The following WDR59 variants were observed in gnomAD, a reference collection of about 807,000 sequenced individuals.
WDR59 encodes GATOR2 complex protein WDR59.
A neutral mutation model predicts 131.2 loss-of-function variants in WDR59; 100 were observed. The observed-to-expected ratio is 0.76, with a 90% CI of 0.65 to 0.90. The LOEUF (loss-of-function observed/expected upper bound fraction) is 0.90, where lower values mean the gene tolerates loss of function less well. Ranked by LOEUF, WDR59 falls within the 40% of genes least tolerant of loss-of-function variation. The pLI, the probability that WDR59 is intolerant of heterozygous loss-of-function variation, is 0.00. For missense variants in WDR59, 1,203 were observed against 1,262.2 expected (o/e 0.95, Z 0.71); for synonymous variants, 601 against 466.2 (o/e 1.29, Z -3.72).
intron 8 of WDR59, among the ~76,000 whole-genome samples, chr16:74,936,513 G>C (rs1383251773): frequency 6.6e-6 from 1 of 151,916 alleles, no homozygotes; most frequent in Non-Finnish European, 1.5e-5. Flanking sequence ...GAGACAAGCT[G>C]ATTGGGGTAC....
intron 1 of WDR59, among the ~76,000 whole-genome samples, chr16:74,966,653 G>C (rs942705279): frequency 6.6e-6 from 1 of 152,072 alleles, no homozygotes; most frequent in African/African-American, 2.4e-5. Flanking sequence ...ACTTTCCAAA[G>C]GGCATGGACT....
intron 25 of WDR59, among the ~76,000 whole-genome samples, chr16:74,884,944 C>T (rs2144788022): frequency 6.6e-6 from 1 of 152,312 alleles, no homozygotes; most frequent in East Asian, 1.9e-4. Flanking sequence ...CTCTGTTCTC[C>T]CTGCCCCCAC....
In WDR59 at chr16:74,874,022, A is replaced by G. The variant is rs1354282232; in HGVS notation, c.*187T>C. On this transcript the variant is annotated 3_prime_UTR_variant, in exon 26 of 26. Coordinates refer to ENST00000262144, the MANE Select transcript of WDR59 (RefSeq NM_030581.4). ...CTTATCTTCACACAGTGACATCCAC[A>G]CCAGGTGGCCAAACAGAAGAGAAGG... 1.7e-5 allele frequency: 10 copies of G among 597,290 alleles called. No homozygotes were observed. Among genetic ancestry groups the G allele is most frequent in the Non-Finnish European group, 2.7e-5 (9 of 336,228 alleles). 37.0% of individuals were successfully genotyped at this position (597,290 alleles called of 1,614,324 possible).
chr16:74,900,521 T>C (rs1212606319), intron 18 of WDR59, among the ~76,000 whole-genome samples: 1 of 152,240 alleles, frequency 6.6e-6, no homozygotes, highest in African/African-American at 2.4e-5. Context: ...TTTAAATGTA[T>C]GCAAGGCAAT....
intron 11 of WDR59, among the ~76,000 whole-genome samples, chr16:74,917,530 C>T (rs755773058): frequency 2.0e-5 from 3 of 152,068 alleles, no homozygotes; most frequent in Non-Finnish European, 4.4e-5. Flanking sequence ...TCTATCCTGC[C>T]GGGGAAGGTG....
Position 74,893,752 on chromosome 16 carries a change from C to G in WDR59, c.1927G>C (p.Ala643Pro), listed in dbSNP as rs766751816. The G allele has an allele frequency of 8.1e-6, 13 of 1,614,040 alleles. No homozygotes were observed. The African/African-American group carries it at 1.1e-4, about 13-fold the overall frequency. The change falls in exon 19 of 26, where the codon GCT (alanine) becomes CCT (proline). Residue 643 changes from alanine (A) to proline (P), a missense_variant. Coordinates refer to ENST00000262144, the MANE Select transcript of WDR59 (RefSeq NM_030581.4). ...TCCTGGATGATGACTTTCCCAGCAGCCTTGATCTGTCGATTGCCAGAGTCT... is the reference window on the plus strand; with the variant it reads ...TCCTGGATGATGACTTTCCCAGCAGGCTTGATCTGTCGATTGCCAGAGTCT... ...GSDSGNRQIKAAGKVIIQDIA... is the reference protein window; with the variant it reads ...GSDSGNRQIKPAGKVIIQDIA...
chr16:74,890,986 C>CGT (rs1965016009), intron 20 of WDR59, among the ~76,000 whole-genome samples: 1 of 151,908 alleles, frequency 6.6e-6, no homozygotes, highest in South Asian at 2.1e-4. Context: ...TGGTGGCACA[C>CGT]GCCTGTAGTC....
intron 1 of WDR59, among the ~76,000 whole-genome samples, chr16:74,972,925 T>C (rs559170309): frequency 1.4e-5 from 2 of 142,802 alleles, no homozygotes; most frequent in Admixed American, 7.1e-5. Flanking sequence ...GAGGACAAGA[T>C]CCAATTTCTA....
At chr16:74,887,641 G>A (rs1174034677) in intron 23 of WDR59, 42 bp downstream of exon 23, 1 of 1,587,130 alleles carries the variant, frequency 6.3e-7, no homozygotes, top group South Asian at 1.1e-5. Context: ...AGCTCTGGGA[G>A]AACTAAAAAT....
At chr16:74,924,440 T>C (rs997330016) in intron 8 of WDR59, among the ~76,000 whole-genome samples, 5 of 152,230 alleles carry the variant, frequency 3.3e-5, no homozygotes, top group African/African-American at 1.2e-4. Context: ...ATATATGTTA[T>C]TAATCTCTTT....
chr16:74,912,065 G>A (rs943370787), intron 14 of WDR59, 133 bp downstream of exon 14: 19 of 1,214,892 alleles, frequency 1.6e-5, no homozygotes, highest in South Asian at 2.8e-5. Flanking sequence ...CAGAGGTTAC[G>A]TTGCTAATAC....
At chr16:74,882,841 G>GA (rs1161467618) in intron 25 of WDR59, among the ~76,000 whole-genome samples, 9 of 124,646 alleles carry the variant, frequency 7.2e-5, no homozygotes, top group African/African-American at 1.2e-4. Flanking sequence ...AAGAAAGAAA[G>GA]AAAGAAAAGA....
intron 1 of WDR59, among the ~76,000 whole-genome samples, chr16:74,982,452 A>T (rs1360330522): frequency 6.6e-6 from 1 of 152,190 alleles, no homozygotes; most frequent in Non-Finnish European, 1.5e-5. Context: ...ATTATTTGCT[A>T]CGACTTCATA....
intron 1 of WDR59, among the ~76,000 whole-genome samples, chr16:74,969,176 G>A (rs1179086455): frequency 6.6e-6 from 1 of 152,150 alleles, no homozygotes; most frequent in Non-Finnish European, 1.5e-5. Context: ...GGTGCCTGCT[G>A]GGGATTAAAG....
At chr16:74,973,900 T>G (rs2034084351) in intron 1 of WDR59, among the ~76,000 whole-genome samples, 1 of 151,968 alleles carries the variant, frequency 6.6e-6, no homozygotes, top group East Asian at 1.9e-4. Context: ...CCAGGCGCAG[T>G]GGCCCACACC....
chr16:74,908,745 T>G (rs1383761462), intron 17 of WDR59, 163 bp downstream of exon 17: 1 of 574,566 alleles, frequency 1.7e-6, no homozygotes, highest in Admixed American at 3.3e-5. Context: ...ACAGCTTTTT[T>G]GCAATTTAAT....
At chr16:74,967,065 T>C (rs2033802660) in intron 1 of WDR59, among the ~76,000 whole-genome samples, 1 of 152,194 alleles carries the variant, frequency 6.6e-6, no homozygotes, top group Admixed American at 6.6e-5. Flanking sequence ...GAATCCATTT[T>C]ATACATTCTG....
At chr16:74,912,047 G>T in intron 14 of WDR59, 151 bp downstream of exon 14, 2 of 1,014,766 alleles carry the variant, frequency 2.0e-6, no homozygotes, top group South Asian at 3.3e-5. Flanking sequence ...CAAAGTAAAT[G>T]GCAAGTTCAG....
At chr16:74,952,022 G>C (rs888864693) in intron 3 of WDR59, among the ~76,000 whole-genome samples, 5 of 149,666 alleles carry the variant, frequency 3.3e-5, no homozygotes, top group African/African-American at 1.2e-4. Context: ...GATCTACATT[G>C]CCCACGCTTT....
Sources: allele counts gnomAD v4.1 joint callset (sites outside exome capture counted in the v4.1 genomes callset), GRCh38; gene constraint gnomAD v4.1.1; transcripts MANE v1.5; gene names NCBI Gene and HGNC (gene_info 2026-07-23, HGNC 2026-07-21).